DHRSX: variants seen among roughly 807,000 people sequenced by gnomAD.
DHRSX encodes dehydrogenase/reductase X-linked, also known as polyprenol dehydrogenase.
A neutral mutation model predicts 34.0 loss-of-function variants in DHRSX; 31 were observed. The observed-to-expected ratio is 0.91, with a 90% confidence interval of 0.69 to 1.23. The LOEUF (loss-of-function observed/expected upper bound fraction) is 1.23. Ranked by LOEUF, DHRSX falls within the 50% of genes most tolerant of loss-of-function variation. The probability of loss-of-function intolerance (pLI) is 0.00; values close to 1 mark genes in which losing one functional copy is unlikely to be tolerated. For synonymous variants in DHRSX, 201 were observed against 183.8 expected, an observed-to-expected ratio of 1.09 and a Z score of -0.76; for missense variants, 414 against 428.1, an observed-to-expected ratio of 0.97 and a Z score of 0.29.
chrX:2,411,185 A>G (rs1299161715), intron 2 of DHRSX, among the ~76,000 whole-genome samples: 2 of 152,200 alleles, frequency 1.3e-5, no homozygotes, highest in African/African-American at 4.8e-5. Context: ...ATGAAATCCC[A>G]TGAACTTTTT....
chrX:2,441,924 A>G (rs780376105), intron 1 of DHRSX, among the ~76,000 whole-genome samples: 1 of 152,222 alleles, frequency 6.6e-6, no homozygotes, highest in Non-Finnish European at 1.5e-5. Context: ...TACAAAAAAA[A>G]TTAGCTGGGT....
intron 3 of DHRSX, among the ~76,000 whole-genome samples, chrX:2,362,408 C>T (rs774614631): frequency 2.0e-5 from 3 of 152,342 alleles, no homozygotes; most frequent in Non-Finnish European, 1.5e-5. Context: ...TCAAGCAATT[C>T]TTCTGCCTCA....
intron 3 of DHRSX, among the ~76,000 whole-genome samples, chrX:2,382,969 CCATCATCACCATCATCAGCAG>C (rs2043229474): frequency 1.6e-5 from 1 of 62,888 alleles, no homozygotes; most frequent in Admixed American, 1.7e-4. Context: ...ATCACCATCA[CCATCATCACCATCATCAGCAG>C]CATCATCACC....
intron 3 of DHRSX, among the ~76,000 whole-genome samples, chrX:2,366,900 C>T (rs1374623185): frequency 2.0e-5 from 3 of 151,922 alleles, no homozygotes; most frequent in Non-Finnish European, 2.9e-5. Flanking sequence ...ATGGATCATT[C>T]GTGTGTACAA....
At chrX:2,451,481 T>A (rs6641539) in intron 1 of DHRSX, among the ~76,000 whole-genome samples, 8,397 of 152,214 alleles carry the variant, frequency 0.055, 280 homozygotes, top group East Asian at 0.081. Flanking sequence ...GGAGCTGCAG[T>A]TCCAGAAAGC....
At chrX:2,264,728 C>T (rs1021956843) in intron 5 of DHRSX, among the ~76,000 whole-genome samples, 27 of 150,774 alleles carry the variant, frequency 1.8e-4, no homozygotes, top group South Asian at 4.2e-4. Flanking sequence ...GTGCCCAGAA[C>T]ACCTGTGCCC....
At chrX:2,248,709 G>A (rs1457998038) in intron 5 of DHRSX, among the ~76,000 whole-genome samples, 3 of 151,308 alleles carry the variant, frequency 2.0e-5, no homozygotes, top group South Asian at 2.1e-4. Context: ...TAGGTTCTAC[G>A]ACCCCCTTCC....
chrX:2,276,001 G>A (rs1004466022), intron 4 of DHRSX, among the ~76,000 whole-genome samples: 1 of 151,972 alleles, frequency 6.6e-6, no homozygotes, highest in Non-Finnish European at 1.5e-5. Context: ...ATGCTACTAT[G>A]CCCAGCTAAT....
intron 1 of DHRSX, among the ~76,000 whole-genome samples, chrX:2,463,969 G>T (rs1251181442): frequency 1.3e-5 from 2 of 152,162 alleles, no homozygotes; most frequent in Non-Finnish European, 2.9e-5. Context: ...GTGGCCAAAG[G>T]ACCACTGCTG....
chrX:2,474,773 C>T (rs780194238), intron 1 of DHRSX, among the ~76,000 whole-genome samples: 19 of 149,992 alleles, frequency 1.3e-4, no homozygotes, highest in African/African-American at 4.4e-4. Flanking sequence ...GCACTGAAGA[C>T]GTTCCCTAAG....
intron 3 of DHRSX, among the ~76,000 whole-genome samples, chrX:2,339,231 G>A (rs749345508): frequency 7.9e-5 from 12 of 151,982 alleles, no homozygotes; most frequent in Non-Finnish European, 1.5e-4. Flanking sequence ...CACCTCCCAC[G>A]CTCAAGCAAT....
At chrX:2,290,753 G>A (rs1046951578) in intron 4 of DHRSX, among the ~76,000 whole-genome samples, 3 of 152,170 alleles carry the variant, frequency 2.0e-5, no homozygotes, top group African/African-American at 7.2e-5. Context: ...GTATTTCTGA[G>A]ACCTTTAGTT....
At chrX:2,490,244 C>A (rs758632919) in intron 1 of DHRSX, 1 of 1,613,900 alleles carries the variant, frequency 6.2e-7, no homozygotes, top group Admixed American at 1.7e-5. Context: ...CAGCTCATAC[C>A]GGGGGTCGGC....
Position 2,246,734 on chromosome X carries a change from AAGAAAGAAAGAAAG to A in DHRSX, c.597-3518_597-3505del, listed in dbSNP as rs1166699221. 3.1e-3 allele frequency among the ~76,000 whole-genome samples: 365 copies of A among 116,038 alleles called. 1 individual carries two copies. Among genetic ancestry groups the A allele is most frequent in the Middle Eastern group, 5.3e-3 (1 of 188 alleles). The allele number at this position is 116,038 out of a possible 152,430, so 76.1% of individuals were successfully genotyped here. A position where few individuals can be genotyped will look rare whatever the true frequency, so the allele number is the denominator to read the frequency against. ...AAAGAAAGAAAGAAAGAAAGAAAGAAAGAAAGAAAGAAAGAAAAAGAAAGAAAATAAAAGAATAG... is the reference window on the plus strand; with the variant it reads ...AAAGAAAGAAAGAAAGAAAGAAAGAAAAAAAGAAAGAAAATAAAAGAATAG... On this transcript the variant is annotated intron_variant, in intron 5 of 6. Coordinates refer to ENST00000334651, the MANE Select transcript of DHRSX (RefSeq NM_145177.3).
intron 3 of DHRSX, among the ~76,000 whole-genome samples, chrX:2,405,304 T>C (rs903713507): frequency 2.0e-5 from 3 of 150,404 alleles, no homozygotes; most frequent in African/African-American, 7.4e-5. Flanking sequence ...CTGGCCAAGA[T>C]GGTGAAACCC....
intron 6 of DHRSX, among the ~76,000 whole-genome samples, chrX:2,229,300 G>A (rs2015809637): frequency 6.6e-6 from 1 of 152,074 alleles, no homozygotes; most frequent in South Asian, 2.1e-4. Context: ...TGTGGTCAAA[G>A]AGAAATTCAG....
At chrX:2,276,617 G>A (rs180751042) in intron 4 of DHRSX, among the ~76,000 whole-genome samples, 384 of 152,148 alleles carry the variant, frequency 2.5e-3, no homozygotes, top group Non-Finnish European at 4.6e-3. Flanking sequence ...CACATATTGT[G>A]CCTGAAGCAG....
At chrX:2,406,207 G>T (rs1430954478) in intron 3 of DHRSX, among the ~76,000 whole-genome samples, 1 of 150,940 alleles carries the variant, frequency 6.6e-6, no homozygotes, top group African/African-American at 2.4e-5. Flanking sequence ...CAGAAGAATC[G>T]CTTGAACCTG....
rs28434537 is a variant in DHRSX, at chrX:2,408,810, C to A, written c.221G>T (p.Gly74Val). ...ARLGMHVIIAGNNDSKAKQVV... is the reference protein window; with the variant it reads ...ARLGMHVIIAVNNDSKAKQVV... ...TTGTTTGGCTTTGCTGTCATTATTT[C>A]CAGCTAAAAGGAAAAAGAAAAAAAA... The change falls in exon 3 of 7, where the codon GGA becomes GTA. Residue 74 changes from glycine (G) to valine (V), a missense_variant. Physicochemically the swap from Gly to Val is moderately radical, Grantham distance 109. Transcript: ENST00000334651. 3.7e-3 allele frequency: 5,933 copies of A among 1,609,618 alleles called. 213 individuals carry two copies. In the African/African-American group the frequency reaches 0.072, roughly 19 times the overall value.
Sources: allele counts gnomAD v4.1 joint callset (sites outside exome capture counted in the v4.1 genomes callset), GRCh38; gene constraint gnomAD v4.1.1; transcripts MANE v1.5; gene names NCBI Gene and HGNC (gene_info 2026-07-23, HGNC 2026-07-21).